The following ZNF385D variants were observed in gnomAD, a reference collection of about 807,000 sequenced individuals.
The protein encoded by ZNF385D is zinc finger protein 659.
Under a neutral mutation model 35.8 loss-of-function variants are expected in ZNF385D, and 15 were observed. The ratio of observed to expected loss-of-function variants is 0.42; its 90% CI spans 0.28 to 0.64. The LOEUF (loss-of-function observed/expected upper bound fraction) is 0.64, where lower values mean the gene tolerates loss of function less well. ZNF385D is among the 30% of genes least tolerant of loss of function. The pLI, the probability that ZNF385D is intolerant of heterozygous loss-of-function variation, is 0.23. For missense variants in ZNF385D, 474 were observed against 494.6 expected, an observed-to-expected ratio of 0.96 and a Z score of 0.39; for synonymous variants, 212 against 186.8, an observed-to-expected ratio of 1.13 and a Z score of -1.10.
At chr3:21,841,250 C>A (rs559302617) in intron 3 of ZNF385D, among the ~76,000 whole-genome samples, 21 of 151,980 alleles carry the variant, frequency 1.4e-4, no homozygotes, top group African/African-American at 4.8e-4. Context: ...ATAGTAATAC[C>A]AAAAATAGAT....
chr3:21,860,065 GCT>G (rs1441944961), intron 3 of ZNF385D, among the ~76,000 whole-genome samples: 1 of 152,008 alleles, frequency 6.6e-6, no homozygotes, highest in Non-Finnish European at 1.5e-5. Flanking sequence ...TAAATCACAG[GCT>G]CTTTTAGGGT....
chr3:21,428,998 C>T (rs1400548950), intron 5 of ZNF385D, among the ~76,000 whole-genome samples: 4 of 133,976 alleles, frequency 3.0e-5, no homozygotes, highest in Admixed American at 1.9e-4. Flanking sequence ...ATACATATTA[C>T]GCTTAAAATC....
intron 2 of ZNF385D, among the ~76,000 whole-genome samples, chr3:22,185,020 C>G (rs1397872380): frequency 6.6e-6 from 1 of 151,756 alleles, no homozygotes; most frequent in Non-Finnish European, 1.5e-5. Context: ...GAGTTTTCTC[C>G]CAGAAATGCT....
chr3:21,613,441 A>G (rs2064749594), intron 2 of ZNF385D, among the ~76,000 whole-genome samples: 1 of 151,864 alleles, frequency 6.6e-6, no homozygotes, highest in Non-Finnish European at 1.5e-5. Flanking sequence ...ACACATTGAT[A>G]GGGTCCTCCC....
chr3:21,521,457 T>A (rs530014086), intron 3 of ZNF385D, among the ~76,000 whole-genome samples: 3 of 152,300 alleles, frequency 2.0e-5, no homozygotes, highest in East Asian at 3.9e-4. Flanking sequence ...TTAAGTTGCA[T>A]GTATAAATCT....
intron 1 of ZNF385D, among the ~76,000 whole-genome samples, chr3:21,734,432 A>G (rs1053069453): frequency 2.6e-5 from 4 of 152,016 alleles, no homozygotes; most frequent in Admixed American, 2.6e-4. Flanking sequence ...AATGAACCTT[A>G]TTGATGAATT....
intron 2 of ZNF385D, among the ~76,000 whole-genome samples, chr3:22,348,232 A>G (rs755327803): frequency 6.6e-6 from 1 of 152,104 alleles, no homozygotes; most frequent in Non-Finnish European, 1.5e-5. Context: ...AAAAAATTCT[A>G]TTTTGAAGTC....
intron 3 of ZNF385D, among the ~76,000 whole-genome samples, chr3:22,093,028 T>TCATA (rs1291960456): frequency 2.0e-5 from 3 of 152,128 alleles, no homozygotes; most frequent in Non-Finnish European, 4.4e-5. Flanking sequence ...AGCAGGAAGG[T>TCATA]CATAGCTCCC....
chr3:22,143,993 C>G (rs547195844), intron 3 of ZNF385D, among the ~76,000 whole-genome samples: 75 of 152,110 alleles, frequency 4.9e-4, no homozygotes, highest in Non-Finnish European at 9.4e-4. Flanking sequence ...AGCTACATTT[C>G]ATGTTATCTT....
At chr3:21,961,290 A>G (rs1702578416) in intron 3 of ZNF385D, 1 of 152,158 alleles carries the variant, frequency 6.6e-6, no homozygotes, top group Non-Finnish European at 1.5e-5. Flanking sequence ...TAAATGAATG[A>G]AAGAACAGAA....
chr3:21,765,732 A>AAGAGAGAGAGAC (rs1553656841), intron 3 of ZNF385D, among the ~76,000 whole-genome samples: 3 of 78,962 alleles, frequency 3.8e-5, no homozygotes, highest in African/African-American at 9.8e-5. Context: ...CAGAGAGAGA[A>AAGAGAGAGAGAC]AGAGAGAGAG....
intron 3 of ZNF385D, among the ~76,000 whole-genome samples, chr3:22,020,880 T>A (rs189433672): frequency 6.3e-4 from 96 of 152,014 alleles, no homozygotes; most frequent in Middle Eastern, 6.8e-3. Context: ...AATCTAAGTG[T>A]CCATGAACAG....
At chr3:22,131,482 T>G (rs904362221) in intron 3 of ZNF385D, among the ~76,000 whole-genome samples, 1 of 152,094 alleles carries the variant, frequency 6.6e-6, no homozygotes, top group African/African-American at 2.4e-5. Context: ...AGAATATTTT[T>G]AAGATAAAAG....
chr3:22,085,903 T>C (rs878926832), intron 3 of ZNF385D, among the ~76,000 whole-genome samples: 5 of 152,174 alleles, frequency 3.3e-5, no homozygotes, highest in Admixed American at 6.6e-5. Context: ...GTTTAACATA[T>C]GCAAATCAAT....
At chr3:22,209,192 A>G (rs1212156420) in intron 2 of ZNF385D, among the ~76,000 whole-genome samples, 2 of 151,920 alleles carry the variant, frequency 1.3e-5, no homozygotes, top group African/African-American at 2.4e-5. Context: ...AGAGTTACAA[A>G]AAGAGAGCAG....
chr3:21,673,890 G>T (rs1292457842), intron 1 of ZNF385D, among the ~76,000 whole-genome samples: 2 of 152,040 alleles, frequency 1.3e-5, no homozygotes, highest in African/African-American at 4.8e-5. Context: ...TCTCATTAAT[G>T]GCAAGTGTTT....
At chr3:22,306,109 C>G (rs201808506) in intron 2 of ZNF385D, among the ~76,000 whole-genome samples, 1 of 152,054 alleles carries the variant, frequency 6.6e-6, no homozygotes, top group African/African-American at 2.4e-5. Flanking sequence ...AATTCTCTTT[C>G]GTATTTTCTT....
chr3:22,042,321 G>A (rs997217886), intron 3 of ZNF385D, among the ~76,000 whole-genome samples: 1 of 151,950 alleles, frequency 6.6e-6, no homozygotes, highest in South Asian at 2.1e-4. Context: ...ATTAGTGTAT[G>A]GCCCATATTA....
At chr3:21,748,975 C>T (rs1026732325) in intron 1 of ZNF385D, among the ~76,000 whole-genome samples, 4 of 152,076 alleles carry the variant, frequency 2.6e-5, no homozygotes, top group Non-Finnish European at 5.9e-5. Context: ...TATCTAACAG[C>T]TTGTACGAGA....
Sources: allele counts gnomAD v4.1 joint callset (sites outside exome capture counted in the v4.1 genomes callset), GRCh38; gene constraint gnomAD v4.1.1; transcripts MANE v1.5; gene names NCBI Gene and HGNC (gene_info 2026-07-23, HGNC 2026-07-21).